CHTF8: variants seen among roughly 807,000 people sequenced by gnomAD.
CHTF8 encodes the protein chromosome transmission fidelity factor 8.
In CHTF8, 6 loss-of-function variants were observed where a neutral mutation model predicts 11.0. The observed-to-expected ratio is 0.55, with a 90% CI of 0.30 to 1.08. The LOEUF (loss-of-function observed/expected upper bound fraction) is 1.08. CHTF8 is among the 50% of genes least tolerant of loss of function. The pLI is 0.07. For synonymous variants in CHTF8, 53 were observed against 60.5 expected (o/e 0.88, Z 0.57); for missense variants, 140 against 153.1 (o/e 0.91, Z 0.45).
intron 1 of CHTF8, among the ~76,000 whole-genome samples, chr16:69,122,664 C>T (rs1403202857): frequency 6.6e-6 from 1 of 151,950 alleles, no homozygotes; most frequent in Non-Finnish European, 1.5e-5. Context: ...CTTCAGCCTC[C>T]CGAGCAGCTG....
At position 69,129,426 on chromosome 16, in the gene CHTF8, T is replaced by A. The variant is rs867849817; in HGVS notation, c.-36+3058A>T. Among the ~76,000 whole-genome samples, 693 of 76,018 alleles carry A rather than the reference T, an allele frequency of 9.1e-3. 8 individuals carry two copies. Among genetic ancestry groups the A allele is most frequent in the African/African-American group, 0.037 (640 of 17,086 alleles). The allele number at this position is 76,018 out of a possible 152,430, so 49.9% of individuals were successfully genotyped here. The stretch of plus-strand genomic sequence containing the variant: ...GCCTAGGCAACAGAGCGAGACTCCG[T>A]CACAAAAAAAAAAAAAAAAAAAAAG... On this transcript the variant is annotated intron_variant, in intron 1 of 3. Coordinates refer to ENST00000448552, the MANE Select transcript of CHTF8 (RefSeq NM_001039690.5).
In CHTF8 at chr16:69,120,793, C is replaced by T; in HGVS notation, c.142-144G>A. 1 of 750,820 alleles carries T rather than the reference C, an allele frequency of 1.3e-6. No homozygotes were observed. Among genetic ancestry groups the T allele is most frequent in the South Asian group, 1.7e-5 (1 of 60,196 alleles). 46.5% of individuals were successfully genotyped at this position (750,820 alleles called of 1,614,324 possible). On this transcript the variant is annotated intron_variant, in intron 3 of 3. Coordinates refer to ENST00000448552, the MANE Select transcript of CHTF8 (RefSeq NM_001039690.5). This position sits in a 1 kb window ranked among gnomAD's most constrained non-coding sequence, Gnocchi z 4.0. ...GCCATTGTTGAGCAGCCACACTGGA[C>T]CACCCACCCATGTGCCCTTTTTACT...
chr16:69,120,643 G>C lies in CHTF8; in HGVS notation c.148C>G (p.Pro50Ala), dbSNP rs776752545. ...ATATGATGCCCCACGATCAGCACAG[G>C]GATTCCCTTTGGCAGAACAAGAACG... ...GDLHYTTEGI[P>A]VLIVGHHILY... The change falls in exon 4 of 4, where the codon CCT (proline) becomes GCT (alanine). Residue 50 changes from proline to alanine, a missense_variant. Pro to Ala is a conservative substitution (Grantham distance 27). Transcript: ENST00000448552. The surrounding 1 kb of genome is among the most constrained non-coding windows in gnomAD (Gnocchi z 4.0). 2.5e-6 allele frequency: 4 copies of C among 1,608,224 alleles called. No individual in the cohort carries two copies. The South Asian group carries it at 4.4e-5, about 18-fold the overall frequency.
Position 69,122,425 on chromosome 16 carries a change from C to T in CHTF8, c.-35-932G>A, listed in dbSNP as rs199525780. On this transcript the variant is annotated intron_variant, in intron 1 of 3. Coordinates refer to ENST00000448552, the MANE Select transcript of CHTF8 (RefSeq NM_001039690.5). ...TTTCACTTTGTCACCAAATCTGGAGCGCAGTGGCGCCATCTCGGCTCACTG... is the reference window on the plus strand; with the variant it reads ...TTTCACTTTGTCACCAAATCTGGAGTGCAGTGGCGCCATCTCGGCTCACTG... 3.3e-5 allele frequency among the ~76,000 whole-genome samples: 5 copies of T among 150,616 alleles called. No homozygotes were observed. In the East Asian group the frequency reaches 7.8e-4, roughly 24 times the overall value.
At chr16:69,129,630 GT>G (rs780639571) in intron 1 of CHTF8, among the ~76,000 whole-genome samples, 20 of 152,122 alleles carry the variant, frequency 1.3e-4, no homozygotes, top group Non-Finnish European at 1.8e-4. Flanking sequence ...GGAGCTAAAT[GT>G]TAACTGGTCA....
chr16:69,126,262 T>C (rs769607353), intron 1 of CHTF8, among the ~76,000 whole-genome samples: 4 of 152,230 alleles, frequency 2.6e-5, no homozygotes, highest in African/African-American at 7.2e-5. Flanking sequence ...CGTTAAGCAC[T>C]GTGACCATGT....
chr16:69,121,262 T>C, intron 2 of CHTF8, 92 bp from the exon 3 acceptor site: 2 of 1,317,356 alleles, frequency 1.5e-6, no homozygotes, highest in Non-Finnish European at 2.1e-6. Flanking sequence ...AAGGACCTCT[T>C]TGTTGGATGT....
chr16:69,118,108 T>G lies in CHTF8; in HGVS notation c.*2317A>C. ...CACCAGGCCGAACAAAGCACAGTGA[T>G]TTCTTCCCTTCATCCCCCACCCCCA... On this transcript the variant is annotated 3_prime_UTR_variant, in exon 4 of 4. Transcript: ENST00000448552. 7 of 524,206 alleles carry G rather than the reference T, an allele frequency of 1.3e-5. No individual in the cohort carries two copies. The highest frequency in any genetic ancestry group is 3.4e-5 in the East Asian group (1 of 29,534). 32.5% of individuals were successfully genotyped at this position (524,206 alleles called of 1,614,324 possible). A position where few individuals can be genotyped will look rare whatever the true frequency, so the allele number is the denominator to read the frequency against.
chr16:69,120,677 G>C lies in CHTF8; in HGVS notation c.142-28C>G, dbSNP rs1961587352. On this transcript the variant is annotated intron_variant, in intron 3 of 3. Transcript: ENST00000448552. The surrounding 1 kb of genome is among the most constrained non-coding windows in gnomAD (Gnocchi z 4.0). The stretch of plus-strand genomic sequence containing the variant: ...TTGGCAGAACAAGAACGAGATTCCT[G>C]AGGTTCCGGGGCAAGGCCATAACAC... 1 of 1,588,224 alleles carries C rather than the reference G, an allele frequency of 6.3e-7. No individual in the cohort carries two copies. Among genetic ancestry groups the C allele is most frequent in the African/African-American group, 1.3e-5 (1 of 74,328 alleles).
chr16:69,124,124 GGAT>G (rs1318670431), intron 1 of CHTF8, among the ~76,000 whole-genome samples: 5 of 146,042 alleles, frequency 3.4e-5, no homozygotes, highest in Admixed American at 3.3e-4. Flanking sequence ...AAAAAAAAAA[GGAT>G]AATATGCTTT....
At chr16:69,127,836 C>G (rs1962188863) in intron 1 of CHTF8, among the ~76,000 whole-genome samples, 1 of 152,080 alleles carries the variant, frequency 6.6e-6, no homozygotes, top group African/African-American at 2.4e-5. Context: ...TCTCGAACTC[C>G]TGACCTCAAG....
At chr16:69,126,497 A>T (rs902291300) in intron 1 of CHTF8, among the ~76,000 whole-genome samples, 1 of 152,198 alleles carries the variant, frequency 6.6e-6, no homozygotes, top group Non-Finnish European at 1.5e-5. Flanking sequence ...CCAGACATCT[A>T]GCAATGCTCC....
chr16:69,118,503 G>A lies in CHTF8; in HGVS notation c.*1922C>T, dbSNP rs907808386. On this transcript the variant is annotated 3_prime_UTR_variant, in exon 4 of 4. Transcript: ENST00000448552. ...GTGAGCAGGGGACTACATGTGAACTGGGACCTGCAGGCCAATGTATCCCTG... is the reference window on the plus strand; with the variant it reads ...GTGAGCAGGGGACTACATGTGAACTAGGACCTGCAGGCCAATGTATCCCTG... 9 of 1,154,618 alleles carry A rather than the reference G, an allele frequency of 7.8e-6. No homozygotes were observed. The highest frequency in any genetic ancestry group is 1.2e-5 in the Non-Finnish European group (9 of 759,926). 71.5% of individuals were successfully genotyped at this position (1,154,618 alleles called of 1,614,324 possible).
At chr16:69,124,041 T>C (rs1427791223) in intron 1 of CHTF8, among the ~76,000 whole-genome samples, 2 of 151,322 alleles carry the variant, frequency 1.3e-5, no homozygotes, top group African/African-American at 4.9e-5. Flanking sequence ...GAGATAAAGG[T>C]TGCAGTGAGC....
Position 69,121,183 on chromosome 16 carries a change from G to T in CHTF8, c.24-13C>A. Reference sequence around the variant, plus strand: ...TCCAGCCCTCGCACTGCAAGCAAAGGGCTGGCGGTTACAATATTTTTGAGG... The same window carrying T: ...TCCAGCCCTCGCACTGCAAGCAAAGTGCTGGCGGTTACAATATTTTTGAGG... On this transcript the variant is annotated splice_polypyrimidine_tract_variant and intron_variant, in intron 2 of 3. Coordinates refer to ENST00000448552, the MANE Select transcript of CHTF8 (RefSeq NM_001039690.5). 6.2e-7 allele frequency: 1 copy of T among 1,607,396 alleles called. No homozygotes were observed. The highest frequency in any genetic ancestry group is 8.5e-7 in the Non-Finnish European group (1 of 1,175,526).
At chr16:69,121,556 C>T (rs1961664559) in intron 1 of CHTF8, 63 bp from the exon 2 acceptor site, 1 of 969,992 alleles carries the variant, frequency 1.0e-6, no homozygotes, top group African/African-American at 1.6e-5. Context: ...ACACCTAATG[C>T]AACCTCCACC....
At chr16:69,125,031 A>T (rs1567591921) in intron 1 of CHTF8, among the ~76,000 whole-genome samples, 3 of 152,028 alleles carry the variant, frequency 2.0e-5, no homozygotes, top group African/African-American at 7.2e-5. Context: ...CAGCCTCCCG[A>T]GTAGCTAGGA....
rs1961650337 is a variant in CHTF8, at chr16:69,121,442, A to G, written c.17T>C (p.Ile6Thr). The G allele has an allele frequency of 7.5e-6, 12 of 1,607,686 alleles. No individual in the cohort carries two copies. Among genetic ancestry groups the G allele is most frequent in the Non-Finnish European group, 1.0e-5 (12 of 1,178,272 alleles). The change falls in exon 2 of 4, where the codon ATT becomes ACT. Residue 6 changes from isoleucine (I) to threonine (T), a missense_variant. By Grantham distance (89) the Ile-to-Thr change is moderately conservative (BLOSUM62 -1). Transcript: ENST00000448552. ...AATCTCAAAATGTACTTACCTGGAA[A>G]TAACAATTTGCACCATGAGCTTTCT... MVQIV[I>T]SSARAGGLAE...
rs1961307650 is a variant in CHTF8, at chr16:69,118,207, G to C, written c.*2218C>G. The C allele has an allele frequency of 3.7e-6, 2 of 543,054 alleles. No homozygotes were observed. The highest frequency in any genetic ancestry group is 1.9e-5 in the South Asian group (1 of 53,004). 33.6% of individuals were successfully genotyped at this position (543,054 alleles called of 1,614,324 possible). On this transcript the variant is annotated 3_prime_UTR_variant, in exon 4 of 4. Transcript: ENST00000448552. ...TTGATTGATTGGGAGTACCAGTGAA[G>C]AGGGAGTTGGATGAGTAGAGGGGCC...
Sources: allele counts gnomAD v4.1 joint callset (sites outside exome capture counted in the v4.1 genomes callset), GRCh38; gene constraint gnomAD v4.1.1; non-coding constraint Gnocchi (gnomAD v3.1); transcripts MANE v1.5; gene names NCBI Gene and HGNC (gene_info 2026-07-23, HGNC 2026-07-21).